The following MAST4 variants were observed in gnomAD, a reference collection of about 807,000 sequenced individuals.
MAST4 encodes microtubule associated serine/threonine kinase family member 4.
MAST4 carries 89 observed loss-of-function variants against 162.7 expected under a neutral mutation model. The ratio of observed to expected loss-of-function variants is 0.55; its 90% CI spans 0.46 to 0.65. The LOEUF is 0.65. Ranked by LOEUF, MAST4 falls within the 30% of genes least tolerant of loss-of-function variation. MAST4 has a pLI of 0.00. For synonymous variants in MAST4, 1,479 were observed against 1,361.1 expected (o/e 1.09, Z -1.91); for missense variants, 3,153 against 3,374.0 (o/e 0.93, Z 1.62).
chr5:67,005,130 T>A, intron 4 of MAST4: 1 of 725,170 alleles, frequency 1.4e-6, no homozygotes, highest in Non-Finnish European at 2.6e-6. Context: ...TGCTTTCACT[T>A]CCCAGGGGCC....
At chr5:66,867,967 G>C (rs1760651323) in intron 3 of MAST4, among the ~76,000 whole-genome samples, 1 of 152,194 alleles carries the variant, frequency 6.6e-6, no homozygotes, top group South Asian at 2.1e-4. Flanking sequence ...TTAGAACTTA[G>C]AATTTGGGAA....
intron 4 of MAST4, among the ~76,000 whole-genome samples, chr5:66,952,891 T>C (rs756133382): frequency 2.0e-5 from 3 of 152,204 alleles, no homozygotes; most frequent in African/African-American, 4.8e-5. Flanking sequence ...CATCCTGTGA[T>C]GGGAGTACCT....
chr5:66,915,656 T>C (rs1764066361), intron 4 of MAST4, among the ~76,000 whole-genome samples: 1 of 152,190 alleles, frequency 6.6e-6, no homozygotes, highest in Non-Finnish European at 1.5e-5. Context: ...AAATGCCAGT[T>C]GTGTAACTAA....
At chr5:67,055,891 G>A (rs1189519016) in intron 5 of MAST4, among the ~76,000 whole-genome samples, 18 of 151,950 alleles carry the variant, frequency 1.2e-4, no homozygotes, top group Admixed American at 1.3e-4. Flanking sequence ...TCAGATTTGC[G>A]TGGATGAAAC....
chr5:66,715,140 G>T (rs548292249), intron 1 of MAST4, among the ~76,000 whole-genome samples: 1 of 152,132 alleles, frequency 6.6e-6, no homozygotes, highest in East Asian at 1.9e-4. Context: ...GGACTAATGG[G>T]TTGCCTGGCT....
chr5:66,666,318 C>T (rs558001806), intron 1 of MAST4, among the ~76,000 whole-genome samples: 1 of 152,270 alleles, frequency 6.6e-6, no homozygotes, highest in African/African-American at 2.4e-5. Flanking sequence ...GATGTTTATC[C>T]CTCCAGACTT....
At chr5:67,112,358 A>G (rs967646736) in intron 11 of MAST4, among the ~76,000 whole-genome samples, 3 of 152,044 alleles carry the variant, frequency 2.0e-5, no homozygotes, top group Admixed American at 6.5e-5. Flanking sequence ...TGCAGCAGAC[A>G]CCAGCTGGGT....
At chr5:66,785,505 C>G (rs1017545093) in intron 2 of MAST4, among the ~76,000 whole-genome samples, 5 of 152,104 alleles carry the variant, frequency 3.3e-5, no homozygotes, top group African/African-American at 9.7e-5. Context: ...GCTGTATCCT[C>G]TTGCCTAGTT....
intron 4 of MAST4, among the ~76,000 whole-genome samples, chr5:66,993,424 G>A (rs2150287451): frequency 6.6e-6 from 1 of 152,306 alleles, no homozygotes; most frequent in East Asian, 1.9e-4. Flanking sequence ...GCATAGTAGG[G>A]CATTAGACCT....
intron 19 of MAST4, 129 bp downstream of exon 19, chr5:67,136,793 G>A (rs1769706015): frequency 3.1e-6 from 2 of 654,464 alleles, no homozygotes; most frequent in Non-Finnish European, 5.5e-6. Flanking sequence ...GAACATGACT[G>A]CAACACATTA....
At chr5:66,650,942 G>A (rs1206222931) in intron 1 of MAST4, among the ~76,000 whole-genome samples, 9 of 152,182 alleles carry the variant, frequency 5.9e-5, no homozygotes, top group African/African-American at 2.4e-5. Context: ...GGGCAAGCAC[G>A]CTCTGACTCT....
intron 3 of MAST4, among the ~76,000 whole-genome samples, chr5:66,832,399 T>C (rs971512271): frequency 3.9e-5 from 6 of 152,142 alleles, no homozygotes; most frequent in African/African-American, 1.4e-4. Flanking sequence ...TTGCTTCTCT[T>C]TCTTCTAAAC....
At chr5:66,693,845 T>C (rs932188448) in intron 1 of MAST4, among the ~76,000 whole-genome samples, 7 of 152,236 alleles carry the variant, frequency 4.6e-5, no homozygotes, top group African/African-American at 1.4e-4. Context: ...GCAAGTACTT[T>C]GGGAGGAGTA....
At chr5:66,789,203 G>A (rs1193009546) in intron 3 of MAST4, among the ~76,000 whole-genome samples, 1 of 150,848 alleles carries the variant, frequency 6.6e-6, no homozygotes, top group Non-Finnish European at 1.5e-5. Context: ...GTATGTATGT[G>A]TGTATGTGTA....
At chr5:66,956,961 T>G (rs933285944) in intron 4 of MAST4, among the ~76,000 whole-genome samples, 2 of 152,152 alleles carry the variant, frequency 1.3e-5, no homozygotes, top group Non-Finnish European at 2.9e-5. Flanking sequence ...TTCTGGATAT[T>G]TTACATTGAA....
chr5:66,664,435 CAA>C (rs58704256), intron 1 of MAST4, among the ~76,000 whole-genome samples: 23 of 93,912 alleles, frequency 2.4e-4, no homozygotes, highest in African/African-American at 3.1e-4. Context: ...AACTCCATTT[CAA>C]AAAAAAAAAA....
intron 1 of MAST4, among the ~76,000 whole-genome samples, chr5:66,755,210 C>T (rs1753459564): frequency 6.6e-6 from 1 of 152,000 alleles, no homozygotes; most frequent in African/African-American, 2.4e-5. Context: ...GGAAGTTGAG[C>T]CTGGAGGATT....
chr5:66,736,683 G>A lies in MAST4; in HGVS notation c.364-23026G>A, dbSNP rs555208649. Among the ~76,000 whole-genome samples the A allele has an allele frequency of 3.3e-5, 5 of 152,264 alleles. No homozygotes were observed. The South Asian group carries it at 1.0e-3, about 32-fold the overall frequency. On this transcript the variant is annotated intron_variant, in intron 1 of 28. Coordinates refer to ENST00000403625, the MANE Select transcript of MAST4 (RefSeq NM_001164664.2). Reference sequence around the variant, plus strand: ...CCTGCATTCAGGTACAGTTAACAGTGGTCTATTCTTTTCTTTGCTCTTTTG... The same window carrying A: ...CCTGCATTCAGGTACAGTTAACAGTAGTCTATTCTTTTCTTTGCTCTTTTG...
intron 14 of MAST4, among the ~76,000 whole-genome samples, chr5:67,126,905 C>T (rs1051757485): frequency 6.6e-6 from 1 of 152,116 alleles, no homozygotes; most frequent in African/African-American, 2.4e-5. Flanking sequence ...TGTTTGTGTC[C>T]TCTCTTACTT....
Sources: gnomAD v4.1 joint callset for allele counts (sites outside exome capture counted in the v4.1 genomes callset) on GRCh38, gnomAD v4.1.1 for gene constraint, MANE v1.5 for transcripts, NCBI Gene and HGNC (gene_info 2026-07-23, HGNC 2026-07-21) for gene names.